Variants in FAM13A observed in about 807,000 individuals in gnomAD.
The protein encoded by FAM13A is protein FAM13A.
In FAM13A, 76 loss-of-function variants were observed where a neutral mutation model predicts 129.6. The ratio of observed to expected loss-of-function variants is 0.59; its 90% CI spans 0.49 to 0.71. The LOEUF is 0.71. Ranked by LOEUF, FAM13A falls within the 30% of genes least tolerant of loss-of-function variation. The pLI, the probability that FAM13A is intolerant of heterozygous loss-of-function variation, is 0.00. For synonymous variants in FAM13A, 443 were observed against 449.9 expected (o/e 0.98, Z 0.20); for missense variants, 1,108 against 1,249.3 (o/e 0.89, Z 1.70).
At position 88,770,681 on chromosome 4, in the gene FAM13A, A is replaced by AT. The variant is rs371766628; in HGVS notation, c.1459-2623dup. Among the ~76,000 whole-genome samples the AT allele has an allele frequency of 8.5e-3, 1,286 of 150,904 alleles. 20 individuals are homozygous for AT. Among genetic ancestry groups the AT allele is most frequent in the African/African-American group, 0.028 (1,175 of 41,250 alleles). On this transcript the variant is annotated intron_variant, in intron 11 of 23. Coordinates refer to ENST00000264344, the MANE Select transcript of FAM13A (RefSeq NM_014883.4). ...TCATTTAGAAGATGTTAGAAGATTG[A>AT]TTTTTTTTTTCCTAAACAGAGGAAC...
chr4:88,847,704 G>A (rs371375880), intron 7 of FAM13A, among the ~76,000 whole-genome samples: 2 of 152,194 alleles, frequency 1.3e-5, no homozygotes, highest in African/African-American at 4.8e-5. Flanking sequence ...GGAGGCCGAG[G>A]CGGGTGGTTC....
chr4:88,940,786 C>A (rs917807290), intron 4 of FAM13A, among the ~76,000 whole-genome samples: 6 of 152,210 alleles, frequency 3.9e-5, no homozygotes, highest in African/African-American at 1.4e-4. Context: ...CATCATCCCT[C>A]AGCCATTGTA....
chr4:89,033,592 A>G (rs1294800753), intron 1 of FAM13A, among the ~76,000 whole-genome samples: 4 of 152,232 alleles, frequency 2.6e-5, no homozygotes, highest in African/African-American at 9.6e-5. Context: ...TAGCAGAGAA[A>G]AATAGTTATT....
chr4:88,826,304 C>T (rs936477151), intron 7 of FAM13A, among the ~76,000 whole-genome samples: 4 of 104,042 alleles, frequency 3.8e-5, no homozygotes, highest in African/African-American at 9.4e-5. Flanking sequence ...CCAACTGGCA[C>T]GTAGGATTAA....
In FAM13A at chr4:88,927,483, T is replaced by C. The variant is rs958273253; in HGVS notation, c.759+10605A>G. On this transcript the variant is annotated intron_variant, in intron 5 of 23. Coordinates refer to ENST00000264344, the MANE Select transcript of FAM13A (RefSeq NM_014883.4). ...TTGCTCTGGTGAGTCCATCTGGTTC[T>C]AGGTTTTTTTTTTCTCTTGGTAGAA... Among the ~76,000 whole-genome samples, 36 of 69,706 alleles carry C rather than the reference T, an allele frequency of 5.2e-4. 1 individual carries two copies. The highest frequency in any genetic ancestry group is 1.4e-3 in the Admixed American group (9 of 6,632). The allele number at this position is 69,706 out of a possible 152,430, so 45.7% of individuals were successfully genotyped here.
At chr4:88,738,169 A>C (rs547344872) in intron 20 of FAM13A, among the ~76,000 whole-genome samples, 1 of 152,346 alleles carries the variant, frequency 6.6e-6, no homozygotes, top group South Asian at 2.1e-4. Flanking sequence ...AGGCCTAGAA[A>C]TAAGAAGGGC....
At chr4:88,999,750 C>A (rs894511172) in intron 3 of FAM13A, among the ~76,000 whole-genome samples, 5 of 152,076 alleles carry the variant, frequency 3.3e-5, no homozygotes, top group African/African-American at 1.2e-4. Flanking sequence ...TGTTTATGGA[C>A]TCATTGTAAA....
chr4:88,970,811 T>C (rs1159327402), intron 4 of FAM13A, among the ~76,000 whole-genome samples: 1 of 151,700 alleles, frequency 6.6e-6, no homozygotes, highest in African/African-American at 2.4e-5. Flanking sequence ...AACCAAAAAA[T>C]AAACCCAAAG....
At chr4:88,849,195 C>T (rs1276961093) in intron 7 of FAM13A, among the ~76,000 whole-genome samples, 1 of 152,154 alleles carries the variant, frequency 6.6e-6, no homozygotes, top group Non-Finnish European at 1.5e-5. Flanking sequence ...TTCTATCTCC[C>T]CAAGTGGGAG....
intron 3 of FAM13A, among the ~76,000 whole-genome samples, chr4:89,016,004 A>G (rs1420912701): frequency 6.6e-6 from 1 of 152,152 alleles, no homozygotes; most frequent in African/African-American, 2.4e-5. Flanking sequence ...TGTAACACAG[A>G]CTCAGGCAGG....
At chr4:89,045,794 C>T (rs1009705683) in intron 1 of FAM13A, among the ~76,000 whole-genome samples, 4 of 152,010 alleles carry the variant, frequency 2.6e-5, no homozygotes, top group South Asian at 2.1e-4. Flanking sequence ...GAGGCCAAAG[C>T]GGGCAGATTA....
chr4:89,023,128 G>C (rs980720939), intron 2 of FAM13A, among the ~76,000 whole-genome samples: 8 of 152,156 alleles, frequency 5.3e-5, no homozygotes, highest in African/African-American at 1.7e-4. Flanking sequence ...TAACGAATAC[G>C]ATACGCCTTT....
chr4:88,845,020 G>T (rs1248441192), intron 7 of FAM13A, among the ~76,000 whole-genome samples: 4 of 152,174 alleles, frequency 2.6e-5, no homozygotes, highest in Admixed American at 2.6e-4. Flanking sequence ...AGAGTTAAGA[G>T]TTGAAGACAG....
chr4:88,736,174 C>T (rs1050668765), intron 21 of FAM13A, among the ~76,000 whole-genome samples: 6 of 152,112 alleles, frequency 3.9e-5, no homozygotes, highest in African/African-American at 1.4e-4. Flanking sequence ...TTTAAAGACA[C>T]AATATAGTAT....
intron 5 of FAM13A, among the ~76,000 whole-genome samples, chr4:88,916,818 T>C (rs1444162299): frequency 6.6e-6 from 1 of 152,182 alleles, no homozygotes; most frequent in Non-Finnish European, 1.5e-5. Context: ...TTCAAGAGTG[T>C]ATCATAGTTT....
intron 7 of FAM13A, among the ~76,000 whole-genome samples, chr4:88,837,539 A>G (rs1735028757): frequency 6.6e-6 from 1 of 151,218 alleles, no homozygotes; most frequent in South Asian, 2.1e-4. Flanking sequence ...AACATGGAGA[A>G]AGCCCGTCTG....
intron 6 of FAM13A, among the ~76,000 whole-genome samples, chr4:88,859,451 A>G (rs908602302): frequency 2.0e-5 from 3 of 152,180 alleles, no homozygotes; most frequent in African/African-American, 7.2e-5. Context: ...GCCCAGAGGC[A>G]GGTGGTGGAG....
intron 11 of FAM13A, among the ~76,000 whole-genome samples, chr4:88,774,220 C>T (rs986226826): frequency 1.2e-4 from 19 of 152,308 alleles, no homozygotes; most frequent in African/African-American, 3.8e-4. Context: ...CGATATCGAT[C>T]CTTTACCTCT....
chr4:88,926,837 AG>A (rs751998925), intron 5 of FAM13A, among the ~76,000 whole-genome samples: 1 of 152,208 alleles, frequency 6.6e-6, no homozygotes, highest in Non-Finnish European at 1.5e-5. Context: ...TGCCCATTTG[AG>A]TAATTCAAGC....
Sources: gnomAD v4.1 joint callset for allele counts (sites outside exome capture counted in the v4.1 genomes callset) on GRCh38, gnomAD v4.1.1 for gene constraint, MANE v1.5 for transcripts, NCBI Gene and HGNC (gene_info 2026-07-23, HGNC 2026-07-21) for gene names.